The following FAF1 variants were observed in gnomAD, a reference collection of about 807,000 sequenced individuals.
FAF1 encodes FAS-associated factor 1.
A neutral mutation model predicts 92.5 loss-of-function variants in FAF1; 25 were observed. That is an observed-to-expected ratio of 0.27 (90% CI 0.20 to 0.38). FAF1 has a LOEUF of 0.38. FAF1 is among the 10% of genes least tolerant of loss of function. The pLI is 1.00. For missense variants in FAF1, 636 were observed against 793.3 expected (o/e 0.80, Z 2.38); for synonymous variants, 234 against 273.2 (o/e 0.86, Z 1.42).
chr1:50,539,980 C>CT (rs906610286), intron 13 of FAF1, among the ~76,000 whole-genome samples: 13 of 150,956 alleles, frequency 8.6e-5, no homozygotes, highest in Non-Finnish European at 1.8e-4. Context: ...TTTTCTTAGT[C>CT]TTTTTTTTTG....
intron 4 of FAF1, among the ~76,000 whole-genome samples, chr1:50,783,711 T>C (rs781155829): frequency 1.3e-5 from 2 of 151,982 alleles, no homozygotes; most frequent in African/African-American, 2.4e-5. Flanking sequence ...CCATCTCTAC[T>C]AAAAATACAA....
intron 15 of FAF1, among the ~76,000 whole-genome samples, chr1:50,529,799 G>A (rs1196657776): frequency 6.6e-6 from 1 of 152,024 alleles, no homozygotes; most frequent in African/African-American, 2.4e-5. Context: ...TGTTTATCTT[G>A]CTCACAGCTG....
chr1:50,582,087 T>C (rs1363256044), intron 12 of FAF1, among the ~76,000 whole-genome samples: 1 of 152,158 alleles, frequency 6.6e-6, no homozygotes, highest in Non-Finnish European at 1.5e-5. Context: ...GGGAAAAATA[T>C]TGCAGTTGTT....
intron 8 of FAF1, among the ~76,000 whole-genome samples, chr1:50,619,921 T>C (rs542235602): frequency 1.3e-3 from 202 of 151,358 alleles, no homozygotes; most frequent in African/African-American, 4.7e-3. Context: ...TTTTTTTTTT[T>C]TTTTTGAGAC....
chr1:50,769,093 C>T (rs2124542783), intron 4 of FAF1, among the ~76,000 whole-genome samples: 1 of 151,530 alleles, frequency 6.6e-6, no homozygotes, highest in South Asian at 2.1e-4. Context: ...CAAATAAACA[C>T]AGTCAAAAAT....
intron 8 of FAF1, among the ~76,000 whole-genome samples, chr1:50,620,818 T>C (rs1466720846): frequency 1.3e-5 from 2 of 152,392 alleles, no homozygotes; most frequent in East Asian, 1.9e-4. Context: ...TTTTGTACTT[T>C]CTTGCATTCT....
intron 15 of FAF1, among the ~76,000 whole-genome samples, chr1:50,519,111 C>A (rs117193805): frequency 6.6e-6 from 1 of 152,044 alleles, no homozygotes; most frequent in Non-Finnish European, 1.5e-5. Context: ...GTGCGAGAAT[C>A]ACGAGGTCAG....
At chr1:50,651,807 A>AT (rs1654876524) in intron 8 of FAF1, among the ~76,000 whole-genome samples, 1 of 152,208 alleles carries the variant, frequency 6.6e-6, no homozygotes, top group South Asian at 2.1e-4. Context: ...TTCAGTAAGT[A>AT]TAAAAACACC....
intron 9 of FAF1, 115 bp from the exon 10 acceptor site, chr1:50,584,926 C>G: frequency 1.1e-6 from 1 of 942,290 alleles, no homozygotes. Flanking sequence ...ATCAAATAAA[C>G]TCATTTGCTA....
chr1:50,521,433 A>G (rs1185128349), intron 15 of FAF1, among the ~76,000 whole-genome samples: 5 of 152,234 alleles, frequency 3.3e-5, no homozygotes, highest in Non-Finnish European at 5.9e-5. Flanking sequence ...GAATCTGTAT[A>G]AGAAGAAAAA....
intron 7 of FAF1, among the ~76,000 whole-genome samples, chr1:50,672,859 C>T (rs1280600590): frequency 6.6e-6 from 1 of 151,884 alleles, no homozygotes; most frequent in Non-Finnish European, 1.5e-5. Flanking sequence ...TGGTTCATGC[C>T]TGGAATCTCA....
At chr1:50,838,558 AATAT>A (rs954105045) in intron 2 of FAF1, among the ~76,000 whole-genome samples, 1 of 88,580 alleles carries the variant, frequency 1.1e-5, no homozygotes, top group African/African-American at 3.5e-5. Flanking sequence ...ATAAATTAAA[AATAT>A]ATATATTTTA....
chr1:50,536,877 T>C (rs867051105), intron 14 of FAF1, among the ~76,000 whole-genome samples: 10 of 152,202 alleles, frequency 6.6e-5, no homozygotes, highest in South Asian at 2.1e-4. Context: ...TGTAGTGTTC[T>C]TAGAAGGAGT....
At chr1:50,782,558 T>A (rs1661217026) in intron 4 of FAF1, among the ~76,000 whole-genome samples, 1 of 152,082 alleles carries the variant, frequency 6.6e-6, no homozygotes, top group South Asian at 2.1e-4. Flanking sequence ...TTTTATTTTT[T>A]AAAGTAGAGA....
At chr1:50,478,001 G>A (rs1646658514) in intron 17 of FAF1, among the ~76,000 whole-genome samples, 1 of 152,142 alleles carries the variant, frequency 6.6e-6, no homozygotes, top group South Asian at 2.1e-4. Flanking sequence ...TCCTTTCTCT[G>A]AGGTATGACT....
At chr1:50,604,891 T>C (rs1005150706) in intron 8 of FAF1, among the ~76,000 whole-genome samples, 1 of 152,184 alleles carries the variant, frequency 6.6e-6, no homozygotes, top group Non-Finnish European at 1.5e-5. Context: ...GATTTAATTA[T>C]CTCATATTTT....
intron 4 of FAF1, among the ~76,000 whole-genome samples, chr1:50,760,057 T>C (rs185538304): frequency 6.6e-6 from 1 of 151,736 alleles, no homozygotes; most frequent in East Asian, 1.9e-4. Context: ...TACTCGCCCT[T>C]TGTCAGATGA....
intron 1 of FAF1, among the ~76,000 whole-genome samples, chr1:50,863,770 A>G (rs1242709746): frequency 6.6e-6 from 1 of 151,978 alleles, no homozygotes; most frequent in Admixed American, 6.6e-5. Context: ...ATAGTTTCAC[A>G]AGGAATGGTA....
At chr1:50,835,599 C>G (rs1412403614) in intron 2 of FAF1, among the ~76,000 whole-genome samples, 1 of 145,232 alleles carries the variant, frequency 6.9e-6, no homozygotes, top group Admixed American at 6.8e-5. Context: ...AAAAAAATCA[C>G]TTAACCTTGT....
Sources: allele counts gnomAD v4.1 joint callset (sites outside exome capture counted in the v4.1 genomes callset), GRCh38; gene constraint gnomAD v4.1.1; transcripts MANE v1.5; gene names NCBI Gene and HGNC (gene_info 2026-07-23, HGNC 2026-07-21).